MED13L: variants seen among roughly 807,000 people sequenced by gnomAD.
MED13L encodes mediator complex subunit 13L.
In MED13L, 7 loss-of-function variants were observed where a neutral mutation model predicts 220.9. The ratio of observed to expected loss-of-function variants is 0.03; its 90% CI spans 0.02 to 0.06. The LOEUF (loss-of-function observed/expected upper bound fraction) is 0.06. Among genes scored for constraint, MED13L ranks in the 10% least tolerant of loss-of-function variants. MED13L has a pLI of 1.00. For synonymous variants in MED13L, 1,011 were observed against 1,015.2 expected (o/e 1.00, Z 0.08); for missense variants, 1,965 against 2,760.5 (o/e 0.71, Z 6.46).
At chr12:115,962,817 C>T (rs553715831) in intron 30 of MED13L, 1 of 163,318 alleles carries the variant, frequency 6.1e-6, no homozygotes, top group African/African-American at 2.4e-5. Flanking sequence ...GAGGTCAGAT[C>T]GAGATCATCC....
intron 27 of MED13L, 84 bp downstream of exon 27, chr12:115,970,510 A>G: frequency 6.9e-7 from 1 of 1,441,072 alleles, no homozygotes; most frequent in Non-Finnish European, 9.7e-7. Context: ...CAACACAGAA[A>G]AGCCATGCGG....
intron 1 of MED13L, chr12:116,276,487 G>A: frequency 7.8e-7 from 1 of 1,288,146 alleles, no homozygotes; most frequent in South Asian, 1.2e-5. Context: ...GCCCCGAGAG[G>A]CAGGCGGCTG....
intron 28 of MED13L, 108 bp from the exon 29 acceptor site, chr12:115,966,351 C>T: frequency 8.0e-7 from 1 of 1,247,836 alleles, no homozygotes; most frequent in Non-Finnish European, 1.1e-6. Flanking sequence ...CCCTTTGTGG[C>T]AGCATCTCAC....
intron 2 of MED13L, among the ~76,000 whole-genome samples, chr12:116,152,886 T>C (rs1396571862): frequency 1.3e-5 from 2 of 152,008 alleles, no homozygotes; most frequent in East Asian, 3.9e-4. Context: ...GAGTTCAGTA[T>C]AATATTCTAT....
Position 116,237,619 on chromosome 12 carries a change from A to G in MED13L, c.159T>C (p.Asp53=), listed in dbSNP as rs749039247. The change falls in exon 2 of 31, where the codon GAT becomes GAC. Residue 53 remains aspartate (D), a synonymous_variant. Transcript: ENST00000281928. Reference sequence around the variant, plus strand: ...GGATGAAACTTAACAGAATTGGATCATCTTGGGCTGGGGCTGAAATTATGG... The same window carrying G: ...GGATGAAACTTAACAGAATTGGATCGTCTTGGGCTGGGGCTGAAATTATGG... The part of the protein sequence containing the change: ...CGPIISAPAQ[D]DPILLSFIRC... 2 of 1,614,186 alleles carry G rather than the reference A, an allele frequency of 1.2e-6. No individual in the cohort carries two copies. The highest frequency in any genetic ancestry group is 1.7e-5 in the Admixed American group (1 of 60,014).
intron 2 of MED13L, among the ~76,000 whole-genome samples, chr12:116,157,949 G>A (rs752345668): frequency 1.6e-4 from 25 of 152,212 alleles, no homozygotes; most frequent in Non-Finnish European, 2.6e-4. Context: ...TAAGATGGAG[G>A]TGAGACCTGG....
rs147242605 is a variant in MED13L at position 116,140,094 on chromosome 12, G to C, written c.311-28582C>G. ...ATACTTTCTTTTTATAACTCACCTAGGAACAAAATTGTCACAAAGAAAAAT... is the reference window on the plus strand; with the variant it reads ...ATACTTTCTTTTTATAACTCACCTACGAACAAAATTGTCACAAAGAAAAAT... On this transcript the variant is annotated intron_variant, in intron 2 of 30. Coordinates refer to ENST00000281928, the MANE Select transcript of MED13L (RefSeq NM_015335.5). 4.9e-3 allele frequency among the ~76,000 whole-genome samples: 751 copies of C among 151,736 alleles called. 4 individuals are homozygous for C. The highest frequency in any genetic ancestry group is 7.7e-3 in the Non-Finnish European group (522 of 67,966).
At position 116,118,495 on chromosome 12, in the gene MED13L, A is replaced by G. The variant is rs569990721; in HGVS notation, c.311-6983T>C. Among the ~76,000 whole-genome samples, 41 of 152,338 alleles carry G rather than the reference A, an allele frequency of 2.7e-4. 1 individual carries two copies. In the South Asian group the frequency reaches 8.5e-3, roughly 32 times the overall value. On this transcript the variant is annotated intron_variant, in intron 2 of 30. Transcript: ENST00000281928. ...ATTTATCATAAAAAATTATAAGCCA[A>G]TAACCACTCTAATAAATACTATCAA...
intron 2 of MED13L, among the ~76,000 whole-genome samples, chr12:116,174,338 G>A (rs1380483149): frequency 6.6e-6 from 1 of 152,122 alleles, no homozygotes; most frequent in Non-Finnish European, 1.5e-5. Flanking sequence ...AAGGGTAAAT[G>A]ATAATTCTAA....
intron 25 of MED13L, among the ~76,000 whole-genome samples, chr12:115,973,570 T>C (rs1405193015): frequency 2.0e-5 from 3 of 152,200 alleles, no homozygotes; most frequent in South Asian, 2.1e-4. Flanking sequence ...ACCAAGTGAC[T>C]AGACTATTAC....
In MED13L at chr12:115,997,104, T is replaced by C. The variant is rs754604247; in HGVS notation, c.2696A>G (p.Glu899Gly). Residue 899 changes from glutamate (E) to glycine (G), a missense_variant, in exon 15 of 31, where the codon GAG becomes GGG. Glu to Gly is a moderately conservative substitution (Grantham distance 98). This residue lies in a region of MED13L where 233 missense variants were observed against 306.2 expected (regional missense o/e 0.76). Coordinates refer to ENST00000281928, the MANE Select transcript of MED13L (RefSeq NM_015335.5). ...TGAAACCATACTGACCATAGGGCTC[T>C]CCATCATGCCTAATGCTGTCACTGT... Reference protein sequence around the residue: ...SETVTALGMMESPMVSMVSTQ... With the variant: ...SETVTALGMMGSPMVSMVSTQ... 6.2e-7 allele frequency: 1 copy of C among 1,614,152 alleles called. No individual in the cohort carries two copies. Among genetic ancestry groups the C allele is most frequent in the Non-Finnish European group, 8.5e-7 (1 of 1,179,966 alleles).
intron 4 of MED13L, among the ~76,000 whole-genome samples, chr12:116,067,334 TAC>T (rs1334411311): frequency 6.6e-6 from 1 of 152,188 alleles, no homozygotes; most frequent in African/African-American, 2.4e-5. Flanking sequence ...ATGTATTATA[TAC>T]GTTATGAAGC....
chr12:116,090,407 G>T (rs1872099608), intron 4 of MED13L, among the ~76,000 whole-genome samples: 2 of 152,032 alleles, frequency 1.3e-5, no homozygotes, highest in South Asian at 4.1e-4. Context: ...TCCAACTCTT[G>T]GGAAGAATGA....
chr12:116,116,659 T>C (rs573957865), intron 2 of MED13L, among the ~76,000 whole-genome samples: 1 of 152,040 alleles, frequency 6.6e-6, no homozygotes, highest in South Asian at 2.1e-4. Context: ...ACTCCTGGCA[T>C]CTGAAGTCCC....
rs1211805306 is a variant in MED13L, at chr12:115,997,240, A to T, written c.2570-10T>A. 1.9e-6 allele frequency: 3 copies of T among 1,612,840 alleles called. No individual in the cohort carries two copies. In the South Asian group the frequency reaches 3.3e-5, roughly 18 times the overall value. On this transcript the variant is annotated splice_polypyrimidine_tract_variant and intron_variant, in intron 14 of 30. Coordinates refer to ENST00000281928, the MANE Select transcript of MED13L (RefSeq NM_015335.5). ...TGCAAGTCTGCAACTGCTAAAAATA[A>T]GAAATAAAAAAAATTTGTTTAATAG...
At chr12:116,107,005 G>A (rs544774532) in intron 3 of MED13L, among the ~76,000 whole-genome samples, 2 of 152,134 alleles carry the variant, frequency 1.3e-5, no homozygotes, top group African/African-American at 2.4e-5. Context: ...CACTTATTGA[G>A]CTCTTACAAT....
At chr12:115,980,992 T>A in intron 22 of MED13L, 54 bp from the exon 23 acceptor site, 2 of 1,463,950 alleles carry the variant, frequency 1.4e-6, no homozygotes, top group Non-Finnish European at 1.9e-6. Flanking sequence ...GAAACTGAGA[T>A]CTAACACACT....
At chr12:116,103,997 C>CTTT in intron 3 of MED13L, among the ~76,000 whole-genome samples, 3 of 103,236 alleles carry the variant, frequency 2.9e-5, no homozygotes, top group Non-Finnish European at 5.9e-5. Flanking sequence ...AAGGACATTG[C>CTTT]TCTTTTTTTT....
intron 2 of MED13L, among the ~76,000 whole-genome samples, chr12:116,212,377 G>A (rs1882752071): frequency 6.6e-6 from 1 of 152,078 alleles, no homozygotes; most frequent in South Asian, 2.1e-4. Flanking sequence ...TTATTTTCCT[G>A]TTTGAATAAA....
Sources: gnomAD v4.1 joint callset for allele counts (sites outside exome capture counted in the v4.1 genomes callset) on GRCh38, gnomAD v4.1.1 for gene constraint, gnomAD v4.1.1 regional missense constraint, MANE v1.5 for transcripts, NCBI Gene and HGNC (gene_info 2026-07-23, HGNC 2026-07-21) for gene names.